The following LUC7L2 variants were observed in gnomAD, a reference collection of about 807,000 sequenced individuals.
LUC7L2 encodes the protein putative RNA-binding protein Luc7-like 2.
In LUC7L2, 25 loss-of-function variants were observed where a neutral mutation model predicts 52.8. The observed-to-expected ratio is 0.47, with a 90% CI of 0.34 to 0.66. The LOEUF (loss-of-function observed/expected upper bound fraction) is 0.66, where lower values mean the gene tolerates loss of function less well. Among genes scored for constraint, LUC7L2 ranks in the 30% least tolerant of loss-of-function variants. The probability of loss-of-function intolerance (pLI) is 0.01; values close to 1 mark genes in which losing one functional copy is unlikely to be tolerated. For missense variants in LUC7L2, 328 were observed against 497.8 expected (o/e 0.66, Z 3.25); for synonymous variants, 144 against 160.9 (o/e 0.89, Z 0.80).
chr7:139,393,810 A>G (rs1178072292), intron 2 of LUC7L2, among the ~76,000 whole-genome samples: 2 of 152,230 alleles, frequency 1.3e-5, no homozygotes, highest in Admixed American at 6.5e-5. Context: ...CTTAGTAGTC[A>G]TCATGGTATG....
intron 2 of LUC7L2, among the ~76,000 whole-genome samples, chr7:139,377,540 C>A (rs1800779672): frequency 6.6e-6 from 1 of 151,856 alleles, no homozygotes; most frequent in Admixed American, 6.5e-5. Context: ...ATTACAGGTG[C>A]CCACCACCAT....
At chr7:139,408,527 A>G (rs1795213839) in intron 6 of LUC7L2, among the ~76,000 whole-genome samples, 2 of 152,190 alleles carry the variant, frequency 1.3e-5, no homozygotes, top group African/African-American at 4.8e-5. Context: ...AATCTTGTAG[A>G]AGTGACTTGG....
chr7:139,386,702 G>A (rs1034341446), intron 2 of LUC7L2, among the ~76,000 whole-genome samples: 6 of 152,010 alleles, frequency 3.9e-5, no homozygotes, highest in South Asian at 2.1e-4. Context: ...CACCACGCCC[G>A]GCCACTGGAA....
chr7:139,371,104 T>G (rs896000214), intron 1 of LUC7L2, among the ~76,000 whole-genome samples: 1 of 152,104 alleles, frequency 6.6e-6, no homozygotes, highest in Non-Finnish European at 1.5e-5. Context: ...GTTGCCACCC[T>G]AGAGAATGTG....
chr7:139,402,226 T>G lies in LUC7L2; in HGVS notation c.345T>G (p.Ile115Met). Reference sequence around the variant, plus strand: ...GATTAGCAGAAACTCAAGAAGAGATTAGTGCTGAAGTAGCAGCAAAGGTAA... The same window carrying G: ...GATTAGCAGAAACTCAAGAAGAGATGAGTGCTGAAGTAGCAGCAAAGGTAA... ...KKRLAETQEE[I>M]SAEVAAKAER... The change falls in exon 4 of 10, where the codon ATT (isoleucine) becomes ATG (methionine). Residue 115 changes from isoleucine to methionine, a missense_variant. Transcript: ENST00000354926. 1.9e-6 allele frequency: 3 copies of G among 1,608,636 alleles called. No individual in the cohort carries two copies. Among genetic ancestry groups the G allele is most frequent in the Non-Finnish European group, 2.5e-6 (3 of 1,178,028 alleles).
chr7:139,369,500 A>T (rs1035505242), intron 1 of LUC7L2, among the ~76,000 whole-genome samples: 3 of 152,126 alleles, frequency 2.0e-5, no homozygotes, highest in Non-Finnish European at 4.4e-5. Context: ...ATGAGAGAAG[A>T]TAGGTGCAGG....
rs150822950 is a variant in LUC7L2 at position 139,368,038 on chromosome 7, A to T, written c.61+7716A>T. ...GTCGATTCACGTGAGTCTGGACACC[A>T]TGTATAAATATTTTGAAAACTTCCT... On this transcript the variant is annotated intron_variant, in intron 1 of 9. Coordinates refer to ENST00000354926, the MANE Select transcript of LUC7L2 (RefSeq NM_016019.5). Among the ~76,000 whole-genome samples the T allele has an allele frequency of 4.1e-3, 629 of 152,342 alleles. 2 individuals carry two copies. The highest frequency in any genetic ancestry group is 5.8e-3 in the Non-Finnish European group (395 of 68,034).
intron 7 of LUC7L2, among the ~76,000 whole-genome samples, chr7:139,410,806 A>ATTTAC (rs1290217416): frequency 1.3e-5 from 2 of 152,204 alleles, no homozygotes; most frequent in African/African-American, 4.8e-5. Context: ...TATACTCAGT[A>ATTTAC]TATTTCAAGA....
intron 2 of LUC7L2, among the ~76,000 whole-genome samples, chr7:139,386,590 A>G (rs1225557686): frequency 8.4e-6 from 1 of 119,390 alleles, no homozygotes; most frequent in Non-Finnish European, 1.6e-5. Context: ...TCGTATTTTT[A>G]GTAGAGACGG....
chr7:139,404,501 TC>T (rs1447343068), intron 4 of LUC7L2, among the ~76,000 whole-genome samples: 1 of 152,194 alleles, frequency 6.6e-6, no homozygotes, highest in Non-Finnish European at 1.5e-5. Flanking sequence ...AGAGCAAGAC[TC>T]CATCTCAAAA....
chr7:139,405,134 G>A (rs1795064808), intron 4 of LUC7L2, among the ~76,000 whole-genome samples: 1 of 152,228 alleles, frequency 6.6e-6, no homozygotes, highest in Admixed American at 6.5e-5. Context: ...GTGGGGCTGG[G>A]ATGTGGTGAC....
intron 7 of LUC7L2, among the ~76,000 whole-genome samples, chr7:139,411,518 A>G (rs766418409): frequency 1.8e-4 from 27 of 152,144 alleles, no homozygotes; most frequent in Non-Finnish European, 3.5e-4. Context: ...CTGAGAGAGG[A>G]TATGTAACTT....
Position 139,409,618 on chromosome 7 carries a change from A to AAG in LUC7L2, c.757_758dup (p.Glu254LysfsTer6), listed in dbSNP as rs368249579. 3 of 1,595,696 alleles carry AAG rather than the reference A, an allele frequency of 1.9e-6. No individual in the cohort carries two copies. Among genetic ancestry groups the AAG allele is most frequent in the African/African-American group, 1.3e-5 (1 of 74,338 alleles). On this transcript the variant is annotated frameshift_variant, in exon 7 of 10. Transcript: ENST00000354926. LOFTEE classifies it high-confidence loss of function. The stretch of plus-strand genomic sequence containing the variant: ...AACCAGGAACGGCTGAAACGAAGAG[A>AAG]AGAGAGAGAGAGAGAAGAAAGGGAG...
At chr7:139,398,269 T>C (rs1794746165) in intron 2 of LUC7L2, among the ~76,000 whole-genome samples, 1 of 152,210 alleles carries the variant, frequency 6.6e-6, no homozygotes, top group African/African-American at 2.4e-5. Context: ...TGGTTTAAAA[T>C]TAACTTGATC....
intron 7 of LUC7L2, among the ~76,000 whole-genome samples, chr7:139,411,119 A>G (rs569562623): frequency 4.0e-4 from 61 of 152,360 alleles, no homozygotes; most frequent in African/African-American, 1.4e-3. Context: ...TGACAGTAAC[A>G]TGGAACAGAA....
chr7:139,400,638 G>A (rs181945037), intron 3 of LUC7L2, among the ~76,000 whole-genome samples: 56 of 152,138 alleles, frequency 3.7e-4, no homozygotes, highest in African/African-American at 1.3e-3. Flanking sequence ...TTAAGTCCTC[G>A]ATTCATCTCA....
intron 8 of LUC7L2, chr7:139,412,927 G>T (rs1795431957): frequency 1.3e-5 from 2 of 156,614 alleles, no homozygotes; most frequent in Non-Finnish European, 2.8e-5. Flanking sequence ...AATTTGGGTG[G>T]TACATTTAGG....
At chr7:139,386,927 C>T (rs904573550) in intron 2 of LUC7L2, among the ~76,000 whole-genome samples, 5 of 152,074 alleles carry the variant, frequency 3.3e-5, no homozygotes, top group African/African-American at 9.7e-5. Context: ...GCAGCCTCCT[C>T]CTTCTGGGTT....
upstream of LUC7L2, among the ~76,000 whole-genome samples, chr7:139,358,603 G>A (rs73154136): frequency 0.017 from 2,523 of 152,022 alleles, 42 homozygotes; most frequent in Non-Finnish European, 0.022. Flanking sequence ...TTAAACATTT[G>A]GTTTTATTAA....
Sources: allele counts gnomAD v4.1 joint callset (sites outside exome capture counted in the v4.1 genomes callset), GRCh38; gene constraint gnomAD v4.1.1; transcripts MANE v1.5; gene names NCBI Gene and HGNC (gene_info 2026-07-23, HGNC 2026-07-21).